CADPS2: variants seen among roughly 807,000 people sequenced by gnomAD.
CADPS2 encodes calcium dependent secretion activator 2.
CADPS2 carries 93 observed loss-of-function variants against 172.5 expected under a neutral mutation model. That is an observed-to-expected ratio of 0.54 (90% CI 0.46 to 0.64). CADPS2 has a LOEUF of 0.64. Ranked by LOEUF, CADPS2 falls within the 30% of genes least tolerant of loss-of-function variation. The probability of loss-of-function intolerance (pLI) is 0.00; values close to 1 mark genes in which losing one functional copy is unlikely to be tolerated. For synonymous variants in CADPS2, 546 were observed against 555.2 expected, an observed-to-expected ratio of 0.98 and a Z score of 0.23; for missense variants, 1,420 against 1,565.9, an observed-to-expected ratio of 0.91 and a Z score of 1.57.
intron 25 of CADPS2, among the ~76,000 whole-genome samples, chr7:122,372,211 T>C (rs1341762299): frequency 6.6e-6 from 1 of 152,098 alleles, no homozygotes; most frequent in Non-Finnish European, 1.5e-5. Flanking sequence ...AGGTCAGAAG[T>C]TGGGCTTTTA....
At chr7:122,382,062 A>G (rs1033694568) in intron 24 of CADPS2, among the ~76,000 whole-genome samples, 5 of 152,080 alleles carry the variant, frequency 3.3e-5, no homozygotes, top group Non-Finnish European at 7.4e-5. Context: ...CCCATTTTAC[A>G]TATATATTCT....
intron 1 of CADPS2, among the ~76,000 whole-genome samples, chr7:122,831,967 T>A (rs188180169): frequency 6.6e-6 from 1 of 152,220 alleles, no homozygotes; most frequent in African/African-American, 2.4e-5. Context: ...GTTATATGAA[T>A]GCAACATAAA....
At chr7:122,542,099 C>T (rs2063158305) in intron 8 of CADPS2, among the ~76,000 whole-genome samples, 2 of 151,870 alleles carry the variant, frequency 1.3e-5, no homozygotes, top group East Asian at 1.9e-4. Context: ...TTTAGTGATA[C>T]TAGTTCATTT....
chr7:122,605,574 G>T (rs1253982363), intron 6 of CADPS2, among the ~76,000 whole-genome samples: 1 of 151,850 alleles, frequency 6.6e-6, no homozygotes, highest in Non-Finnish European at 1.5e-5. Flanking sequence ...CAGAAACTTA[G>T]AATTGTTTTC....
intron 3 of CADPS2, among the ~76,000 whole-genome samples, chr7:122,638,198 T>C (rs944666309): frequency 4.6e-5 from 7 of 152,246 alleles, no homozygotes; most frequent in South Asian, 4.1e-4. Context: ...GCAGAGACTG[T>C]GGCTGGTAGA....
chr7:122,629,522 G>A (rs2076380327), intron 3 of CADPS2, among the ~76,000 whole-genome samples, 194 bp from the exon 4 acceptor site: 1 of 151,974 alleles, frequency 6.6e-6, no homozygotes, highest in Non-Finnish European at 1.5e-5. Flanking sequence ...TAAATTTCTT[G>A]GGTACTTTCT....
chr7:122,604,161 C>T (rs886724276), intron 6 of CADPS2, among the ~76,000 whole-genome samples: 13 of 151,930 alleles, frequency 8.6e-5, no homozygotes, highest in Non-Finnish European at 1.5e-4. Flanking sequence ...ATTATGAATT[C>T]GGTAATTTTT....
chr7:122,772,511 A>G (rs776043993), intron 1 of CADPS2, among the ~76,000 whole-genome samples: 4 of 152,302 alleles, frequency 2.6e-5, no homozygotes, highest in East Asian at 3.9e-4. Context: ...TTATTTGCCA[A>G]TAAGGGAGTC....
intron 7 of CADPS2, among the ~76,000 whole-genome samples, chr7:122,577,558 G>T (rs2068213822): frequency 6.6e-6 from 1 of 152,130 alleles, no homozygotes; most frequent in Non-Finnish European, 1.5e-5. Context: ...TTCACTTGCT[G>T]ACTAAAGAAC....
chr7:122,571,764 A>T (rs1363001859), intron 7 of CADPS2, among the ~76,000 whole-genome samples: 2 of 152,152 alleles, frequency 1.3e-5, no homozygotes, highest in Non-Finnish European at 2.9e-5. Flanking sequence ...TGCTATCTGA[A>T]AGGATTTAAG....
At chr7:122,607,667 C>A (rs1437136319) in intron 6 of CADPS2, among the ~76,000 whole-genome samples, 2 of 152,058 alleles carry the variant, frequency 1.3e-5, no homozygotes, top group Admixed American at 1.3e-4. Flanking sequence ...AATTCAGATG[C>A]CTCTCATTTT....
chr7:122,425,779 T>C (rs2049098265), intron 17 of CADPS2, among the ~76,000 whole-genome samples: 1 of 152,220 alleles, frequency 6.6e-6, no homozygotes, highest in African/African-American at 2.4e-5. Context: ...GAAAATCAAA[T>C]ACTGAATCAC....
chr7:122,348,229 A>G (rs1025500443), intron 27 of CADPS2, among the ~76,000 whole-genome samples: 1 of 152,220 alleles, frequency 6.6e-6, no homozygotes, highest in African/African-American at 2.4e-5. Context: ...AGACTGAATA[A>G]TGACTTTAAA....
chr7:122,681,939 AAAAT>A (rs1475308000), intron 2 of CADPS2, among the ~76,000 whole-genome samples: 1 of 151,966 alleles, frequency 6.6e-6, no homozygotes, highest in Non-Finnish European at 1.5e-5. Context: ...GCTTGTTTGG[AAAAT>A]AATACATACA....
intron 2 of CADPS2, chr7:122,699,204 G>T: frequency 3.3e-6 from 1 of 307,530 alleles, no homozygotes; most frequent in Non-Finnish European, 6.1e-6. Context: ...CAGCCAATTA[G>T]ATAAGAGCTT....
intron 2 of CADPS2, among the ~76,000 whole-genome samples, chr7:122,709,493 G>A (rs1330921240): frequency 6.6e-6 from 1 of 151,906 alleles, no homozygotes; most frequent in Non-Finnish European, 1.5e-5. Flanking sequence ...GTGGAAGCCA[G>A]TGCAGCGATT....
chr7:122,591,686 A>G (rs977465371), intron 6 of CADPS2, among the ~76,000 whole-genome samples: 1 of 151,956 alleles, frequency 6.6e-6, no homozygotes, highest in Non-Finnish European at 1.5e-5. Context: ...AATACCACAC[A>G]TCTACAACCA....
chr7:122,816,042 T>C (rs934995119), intron 1 of CADPS2, among the ~76,000 whole-genome samples: 1 of 152,194 alleles, frequency 6.6e-6, no homozygotes, highest in South Asian at 2.1e-4. Flanking sequence ...TCCACTGTTT[T>C]AGTTATGTTG....
At chr7:122,498,915 A>T (rs2058975859) in intron 9 of CADPS2, among the ~76,000 whole-genome samples, 1 of 152,218 alleles carries the variant, frequency 6.6e-6, no homozygotes, top group Non-Finnish European at 1.5e-5. Flanking sequence ...AATAATAAAC[A>T]CAGTGTTATC....
Sources: gnomAD v4.1 joint callset for allele counts (sites outside exome capture counted in the v4.1 genomes callset) on GRCh38, gnomAD v4.1.1 for gene constraint, MANE v1.5 for transcripts, NCBI Gene and HGNC (gene_info 2026-07-23, HGNC 2026-07-21) for gene names.